Variants in TANC2 observed in about 807,000 individuals in gnomAD.
TANC2 encodes protein TANC2.
Under a neutral mutation model 210.5 loss-of-function variants are expected in TANC2, and 26 were observed. The observed-to-expected ratio is 0.12, with a 90% confidence interval of 0.09 to 0.17. The LOEUF (loss-of-function observed/expected upper bound fraction) is 0.17, where lower values mean the gene tolerates loss of function less well. Among genes scored for constraint, TANC2 ranks in the 10% least tolerant of loss-of-function variants. The probability of loss-of-function intolerance (pLI) is 1.00; values close to 1 mark genes in which losing one functional copy is unlikely to be tolerated. For synonymous variants in TANC2, 931 were observed against 967.1 expected (o/e 0.96, Z 0.69); for missense variants, 2,129 against 2,608.9 (o/e 0.82, Z 4.01).
At chr17:63,419,890 C>T (rs1204797460) in intron 27 of TANC2, 109 bp from the exon 28 acceptor site, 5 of 1,310,918 alleles carry the variant, frequency 3.8e-6, no homozygotes, top group Non-Finnish European at 5.1e-6. Flanking sequence ...CCCCAGACTC[C>T]CACAGACGCC....
At chr17:63,121,004 A>G (rs2038454240) in intron 4 of TANC2, among the ~76,000 whole-genome samples, 1 of 152,044 alleles carries the variant, frequency 6.6e-6, no homozygotes, top group African/African-American at 2.4e-5. Flanking sequence ...AAACTTAAAC[A>G]TGTTGTCCTA....
chr17:62,980,155 G>A (rs2032228714), intron 1 of TANC2, among the ~76,000 whole-genome samples: 1 of 152,002 alleles, frequency 6.6e-6, no homozygotes, highest in Admixed American at 6.6e-5. Context: ...TTTCCTTACT[G>A]TACCTGAAAC....
intron 1 of TANC2, among the ~76,000 whole-genome samples, chr17:62,971,677 T>C (rs537838544): frequency 6.6e-6 from 1 of 152,316 alleles, no homozygotes; most frequent in East Asian, 1.9e-4. Flanking sequence ...TGGACCATCA[T>C]GGCCTGTTTG....
At position 63,392,863 on chromosome 17, in the gene TANC2, C is replaced by CA. The variant is rs370151021; in HGVS notation, c.3052-2871dup. Among the ~76,000 whole-genome samples, 93 of 149,312 alleles carry CA rather than the reference C, an allele frequency of 6.2e-4. 1 individual carries two copies. The highest frequency in any genetic ancestry group is 4.0e-3 in the South Asian group (19 of 4,730). ...GTAAATAAAATAATTCTCTTGTAGGCAAAAAAAAATGCATAGAGTTTCTAT... is the reference window on the plus strand; with the variant it reads ...GTAAATAAAATAATTCTCTTGTAGGCAAAAAAAAAATGCATAGAGTTTCTAT... On this transcript the variant is annotated intron_variant, in intron 17 of 27. Transcript: ENST00000689528.
intron 8 of TANC2, among the ~76,000 whole-genome samples, chr17:63,263,084 C>T (rs140033204): frequency 0.015 from 2,318 of 152,078 alleles, 58 homozygotes; most frequent in African/African-American, 0.053. Flanking sequence ...TTCCAGTAGA[C>T]CTAGATAACT....
intron 14 of TANC2, among the ~76,000 whole-genome samples, chr17:63,361,361 AG>A (rs1217427855): frequency 6.6e-6 from 1 of 152,224 alleles, no homozygotes; most frequent in Non-Finnish European, 1.5e-5. Context: ...AGGGTGAGCC[AG>A]GCACAGAACA....
chr17:63,179,282 A>C (rs1352013426), intron 5 of TANC2, among the ~76,000 whole-genome samples: 1 of 152,208 alleles, frequency 6.6e-6, no homozygotes, highest in African/African-American at 2.4e-5. Context: ...CTTAATAATC[A>C]CAGTTTTCTT....
intron 5 of TANC2, among the ~76,000 whole-genome samples, chr17:63,160,243 A>G (rs1279522431): frequency 6.6e-6 from 1 of 152,226 alleles, no homozygotes; most frequent in African/African-American, 2.4e-5. Flanking sequence ...ACGTACTTTT[A>G]AAGTAAAGGC....
intron 4 of TANC2, among the ~76,000 whole-genome samples, chr17:63,122,609 T>C (rs2038529124): frequency 6.6e-6 from 1 of 152,086 alleles, no homozygotes; most frequent in East Asian, 1.9e-4. Flanking sequence ...TGGTGGTGCA[T>C]GCCTGTAATC....
intron 5 of TANC2, among the ~76,000 whole-genome samples, chr17:63,164,589 G>C (rs2040144475): frequency 6.6e-6 from 1 of 152,096 alleles, no homozygotes; most frequent in Non-Finnish European, 1.5e-5. Flanking sequence ...CAATTATGAA[G>C]GCCATAAAGT....
At chr17:63,306,092 AT>A (rs746093179) in intron 9 of TANC2, among the ~76,000 whole-genome samples, 4 of 152,346 alleles carry the variant, frequency 2.6e-5, no homozygotes, top group Admixed American at 6.5e-5. Flanking sequence ...CTGGCATAAT[AT>A]CCAAAACGGA....
intron 8 of TANC2, 126 bp downstream of exon 8, chr17:63,238,203 A>G: frequency 8.1e-7 from 1 of 1,236,440 alleles, no homozygotes; most frequent in Middle Eastern, 2.2e-4. Context: ...TTTCTGACTA[A>G]GCTGTTCTTT....
intron 3 of TANC2, among the ~76,000 whole-genome samples, chr17:63,084,658 T>C (rs1338065720): frequency 6.6e-6 from 1 of 152,110 alleles, no homozygotes; most frequent in Non-Finnish European, 1.5e-5. Context: ...TATCACTGCA[T>C]CCCGCAGATT....
intron 2 of TANC2, among the ~76,000 whole-genome samples, chr17:63,028,866 G>GA: frequency 6.6e-6 from 1 of 150,994 alleles, no homozygotes; most frequent in Admixed American, 6.6e-5. Flanking sequence ...GTTGTTAAAA[G>GA]AAAAAAAGGG....
intron 1 of TANC2, among the ~76,000 whole-genome samples, chr17:62,980,603 A>G (rs1293904402): frequency 2.6e-5 from 4 of 152,096 alleles, no homozygotes; most frequent in African/African-American, 9.7e-5. Context: ...CCATTGATTT[A>G]TCTTAGCCAT....
At chr17:63,077,941 C>T (rs528182360) in intron 3 of TANC2, among the ~76,000 whole-genome samples, 35 of 152,072 alleles carry the variant, frequency 2.3e-4, no homozygotes, top group Admixed American at 5.2e-4. Flanking sequence ...CATCTATATT[C>T]ACATGGAATA....
chr17:63,331,661 T>C (rs923226180), intron 11 of TANC2, among the ~76,000 whole-genome samples: 2 of 152,200 alleles, frequency 1.3e-5, no homozygotes, highest in African/African-American at 2.4e-5. Flanking sequence ...TCAAAAAGAA[T>C]TAAGAAGAGA....
At chr17:63,155,770 CAAAG>C (rs772830966) in intron 5 of TANC2, among the ~76,000 whole-genome samples, 2 of 152,080 alleles carry the variant, frequency 1.3e-5, no homozygotes, top group African/African-American at 2.4e-5. Context: ...ATTTAAAACT[CAAAG>C]AGAAAACAGT....
At chr17:63,078,769 A>C (rs1568366643) in intron 3 of TANC2, among the ~76,000 whole-genome samples, 1 of 152,134 alleles carries the variant, frequency 6.6e-6, no homozygotes, top group Non-Finnish European at 1.5e-5. Flanking sequence ...TGTAGGTTGA[A>C]TCATTTTAAA....
Sources: allele counts gnomAD v4.1 joint callset (sites outside exome capture counted in the v4.1 genomes callset), GRCh38; gene constraint gnomAD v4.1.1; transcripts MANE v1.5; gene names NCBI Gene and HGNC (gene_info 2026-07-23, HGNC 2026-07-21).